RBMS3: variants seen among roughly 807,000 people sequenced by gnomAD.
RBMS3 encodes RNA binding motif single stranded interacting protein 3.
RBMS3 carries 27 observed loss-of-function variants against 66.8 expected under a neutral mutation model. The observed-to-expected ratio is 0.40, with a 90% CI of 0.30 to 0.56. RBMS3 has a LOEUF of 0.56. RBMS3 is among the 20% of genes least tolerant of loss of function. The pLI is 0.40. For missense variants in RBMS3, 513 were observed against 549.5 expected (o/e 0.93, Z 0.66); for synonymous variants, 188 against 183.0 (o/e 1.03, Z -0.22).
chr3:29,824,386 A>T (rs552587956), intron 6 of RBMS3, among the ~76,000 whole-genome samples: 2 of 152,072 alleles, frequency 1.3e-5, no homozygotes, highest in Non-Finnish European at 2.9e-5. Context: ...CTCAATAACC[A>T]CAATAAATAA....
intron 12 of RBMS3, among the ~76,000 whole-genome samples, chr3:29,971,245 C>G (rs1697208996): frequency 6.6e-6 from 1 of 152,128 alleles, no homozygotes; most frequent in Non-Finnish European, 1.5e-5. Context: ...ATGATTTCAG[C>G]CTTGGCCTCA....
At chr3:29,515,034 A>G (rs2044569040) in intron 3 of RBMS3, among the ~76,000 whole-genome samples, 1 of 152,136 alleles carries the variant, frequency 6.6e-6, no homozygotes, top group Non-Finnish European at 1.5e-5. Context: ...AGAGCCTGAT[A>G]GAGTCCAGGA....
chr3:29,571,127 C>CT (rs143833662), intron 3 of RBMS3, among the ~76,000 whole-genome samples: 9,333 of 152,048 alleles, frequency 0.061, 496 homozygotes, highest in African/African-American at 0.14. Flanking sequence ...GTATGTCACC[C>CT]TTGAAAAATT....
At chr3:29,734,838 C>G (rs776407361) in intron 4 of RBMS3, among the ~76,000 whole-genome samples, 7 of 151,998 alleles carry the variant, frequency 4.6e-5, no homozygotes, top group Non-Finnish European at 8.8e-5. Flanking sequence ...TTTGCATATC[C>G]TTTTATTTTA....
At chr3:29,996,007 T>A (rs535341997) in intron 14 of RBMS3, among the ~76,000 whole-genome samples, 8 of 152,280 alleles carry the variant, frequency 5.3e-5, no homozygotes, top group African/African-American at 1.9e-4. Flanking sequence ...ATCAGTGTGC[T>A]GTATTCAGGA....
chr3:29,735,752 G>A lies in RBMS3; in HGVS notation c.400-3968G>A, dbSNP rs750317647. Reference sequence around the variant, plus strand: ...CTATTTATTAATCATTGGATTTTAAGAATAAAGTCAGTGTTGTAAATTGGC... The same window carrying A: ...CTATTTATTAATCATTGGATTTTAAAAATAAAGTCAGTGTTGTAAATTGGC... On this transcript the variant is annotated intron_variant, in intron 4 of 14. Coordinates refer to ENST00000383767, the MANE Select transcript of RBMS3 (RefSeq NM_001003793.3). 4.6e-5 allele frequency among the ~76,000 whole-genome samples: 7 copies of A among 152,260 alleles called. No homozygotes were observed. In the South Asian group the frequency reaches 6.2e-4, roughly 14 times the overall value.
At chr3:29,537,450 T>G (rs2045603201) in intron 3 of RBMS3, among the ~76,000 whole-genome samples, 1 of 152,218 alleles carries the variant, frequency 6.6e-6, no homozygotes, top group Non-Finnish European at 1.5e-5. Context: ...CAAAATACCT[T>G]AAACTAAATT....
chr3:29,384,271 G>T (rs556503979), intron 1 of RBMS3, among the ~76,000 whole-genome samples: 1 of 152,056 alleles, frequency 6.6e-6, no homozygotes, highest in South Asian at 2.1e-4. Context: ...AGCCGTGATC[G>T]CACCACTATA....
intron 1 of RBMS3, among the ~76,000 whole-genome samples, chr3:29,309,781 C>T (rs753035583): frequency 9.9e-5 from 15 of 151,494 alleles, no homozygotes; most frequent in Admixed American, 5.9e-4. Context: ...AAATGCATTG[C>T]ATTTAATAAT....
intron 5 of RBMS3, among the ~76,000 whole-genome samples, chr3:29,747,374 C>CTAGGTAGG (rs199844743): frequency 4.1e-5 from 6 of 145,280 alleles, no homozygotes; most frequent in African/African-American, 1.5e-4. Flanking sequence ...ATCTATCTAT[C>CTAGGTAGG]TAGGTAGGTA....
At chr3:29,385,000 C>T (rs1238972252) in intron 1 of RBMS3, among the ~76,000 whole-genome samples, 4 of 152,030 alleles carry the variant, frequency 2.6e-5, no homozygotes, top group African/African-American at 4.8e-5. Flanking sequence ...AATGTGTTGC[C>T]GAACAAACCT....
At chr3:29,411,710 G>A (rs2040274290) in intron 1 of RBMS3, among the ~76,000 whole-genome samples, 1 of 152,190 alleles carries the variant, frequency 6.6e-6, no homozygotes, top group Non-Finnish European at 1.5e-5. Context: ...CAGTTTCCCT[G>A]TTCAGTGTGC....
chr3:29,395,785 G>A (rs2039518708), intron 1 of RBMS3, among the ~76,000 whole-genome samples: 1 of 152,170 alleles, frequency 6.6e-6, no homozygotes, highest in Non-Finnish European at 1.5e-5. Context: ...TGACTTATCT[G>A]TGATCAAATT....
Position 30,004,902 on chromosome 3 carries a change from T to G in RBMS3, c.*1040T>G, listed in dbSNP as rs1375006544. On this transcript the variant is annotated 3_prime_UTR_variant, in exon 15 of 15. Transcript: ENST00000383767. ...CTTAAGAGCATTAAAAAAAAAAACTTAAGTAGATAGGAGCTTATGGTCAAA... is the reference window on the plus strand; with the variant it reads ...CTTAAGAGCATTAAAAAAAAAAACTGAAGTAGATAGGAGCTTATGGTCAAA... 7.6e-6 allele frequency: 1 copy of G among 132,324 alleles called. No individual in the cohort carries two copies. The highest frequency in any genetic ancestry group is 2.2e-4 in the East Asian group (1 of 4,604). The allele number at this position is 132,324 out of a possible 1,614,324, so 8.2% of individuals were successfully genotyped here. A position where few individuals can be genotyped will look rare whatever the true frequency, so the allele number is the denominator to read the frequency against.
chr3:29,403,770 A>C (rs2039905986), intron 1 of RBMS3, among the ~76,000 whole-genome samples: 1 of 152,152 alleles, frequency 6.6e-6, no homozygotes, highest in South Asian at 2.1e-4. Context: ...TCTATTAATA[A>C]AAAAGAAATT....
intron 6 of RBMS3, among the ~76,000 whole-genome samples, chr3:29,822,043 A>G (rs1227087822): frequency 6.6e-6 from 1 of 152,188 alleles, no homozygotes; most frequent in Non-Finnish European, 1.5e-5. Context: ...TCAAACTCAA[A>G]TATATGATTT....
intron 3 of RBMS3, among the ~76,000 whole-genome samples, chr3:29,559,984 G>A (rs940740634): frequency 1.3e-5 from 2 of 152,122 alleles, no homozygotes; most frequent in African/African-American, 4.8e-5. Context: ...TGTCAGCCAA[G>A]TGTTAGTGCA....
intron 1 of RBMS3, among the ~76,000 whole-genome samples, chr3:29,358,297 T>A (rs1559513719): frequency 6.6e-6 from 1 of 152,238 alleles, no homozygotes; most frequent in Non-Finnish European, 1.5e-5. Flanking sequence ...ATTTGTTAAA[T>A]AGGAAATCCT....
intron 6 of RBMS3, among the ~76,000 whole-genome samples, chr3:29,859,444 A>G (rs2059158043): frequency 6.6e-6 from 1 of 152,368 alleles, no homozygotes; most frequent in East Asian, 1.9e-4. Context: ...GAAAGCGTTC[A>G]CTTAGATATC....
Sources: gnomAD v4.1 joint callset for allele counts (sites outside exome capture counted in the v4.1 genomes callset) on GRCh38, gnomAD v4.1.1 for gene constraint, MANE v1.5 for transcripts, NCBI Gene and HGNC (gene_info 2026-07-23, HGNC 2026-07-21) for gene names.